The following TMPRSS7 variants were observed in gnomAD, a reference collection of about 807,000 sequenced individuals.
TMPRSS7 encodes transmembrane serine protease 7, also known as transmembrane protease serine 7.
A neutral mutation model predicts 95.6 loss-of-function variants in TMPRSS7; 81 were observed. The observed-to-expected ratio is 0.85, with a 90% CI of 0.71 to 1.02. The LOEUF is 1.02. TMPRSS7 is among the 50% of genes least tolerant of loss of function. The probability of loss-of-function intolerance (pLI) is 0.00; values close to 1 mark genes in which losing one functional copy is unlikely to be tolerated. For synonymous variants in TMPRSS7, 364 were observed against 337.8 expected, an observed-to-expected ratio of 1.08 and a Z score of -0.85; for missense variants, 945 against 955.2, an observed-to-expected ratio of 0.99 and a Z score of 0.14.
At chr3:112,070,828 G>A (rs572826696) in intron 13 of TMPRSS7, among the ~76,000 whole-genome samples, 1 of 152,328 alleles carries the variant, frequency 6.6e-6, no homozygotes, top group South Asian at 2.1e-4. Flanking sequence ...TGCACAACGT[G>A]CAGGTTTGTT....
intron 5 of TMPRSS7, among the ~76,000 whole-genome samples, chr3:112,046,294 C>T (rs2107739955): frequency 6.6e-6 from 1 of 152,230 alleles, no homozygotes; most frequent in African/African-American, 2.4e-5. Context: ...CTTTACTTGC[C>T]CAGACAGAAC....
intron 15 of TMPRSS7, among the ~76,000 whole-genome samples, chr3:112,075,827 A>G (rs762656204): frequency 1.3e-5 from 2 of 152,192 alleles, no homozygotes; most frequent in African/African-American, 2.4e-5. Flanking sequence ...GAGGTCCCCA[A>G]TGGGATTATG....
At chr3:112,075,189 C>T in intron 14 of TMPRSS7, 132 bp from the exon 15 acceptor site, 2 of 845,798 alleles carry the variant, frequency 2.4e-6, no homozygotes, top group Non-Finnish European at 1.6e-6. Context: ...CTCACATGTT[C>T]TCTGTCCTCT....
intron 12 of TMPRSS7, 110 bp downstream of exon 12, chr3:112,063,742 A>G: frequency 1.1e-6 from 1 of 883,860 alleles, no homozygotes; most frequent in East Asian, 2.5e-5. Flanking sequence ...CTATTACTGC[A>G]TAACCAACTA....
intron 2 of TMPRSS7, among the ~76,000 whole-genome samples, chr3:112,039,070 G>A (rs1175678854): frequency 6.6e-6 from 1 of 152,190 alleles, no homozygotes; most frequent in African/African-American, 2.4e-5. Context: ...TTTTGCACAT[G>A]CATCTTTCTC....
chr3:112,066,945 C>T (rs340148), intron 13 of TMPRSS7, among the ~76,000 whole-genome samples: 1,685 of 152,228 alleles, frequency 0.011, 41 homozygotes, highest in African/African-American at 0.039. Context: ...TCGTCATTTA[C>T]ATTAGGTATT....
intron 6 of TMPRSS7, 28 bp downstream of exon 6, chr3:112,047,040 C>T (rs1328915090): frequency 4.3e-6 from 3 of 701,066 alleles, no homozygotes; most frequent in Non-Finnish European, 7.8e-6. Flanking sequence ...GTTCCCCCTC[C>T]CCCCATGTTA....
chr3:112,044,407 T>A lies in TMPRSS7; in HGVS notation c.497+85T>A, dbSNP rs981974160. 26 of 1,158,918 alleles carry A rather than the reference T, an allele frequency of 2.2e-5. No homozygotes were observed. In the African/African-American group the frequency reaches 3.7e-4, roughly 16 times the overall value. 71.8% of individuals were successfully genotyped at this position (1,158,918 alleles called of 1,614,324 possible). On this transcript the variant is annotated intron_variant, in intron 4 of 17. Transcript: ENST00000452346. ...CTATGAAAAGGCTGAGATTCCACCA[T>A]TCCCAAGTAACTTCTTGGAAGTGGT...
chr3:112,075,489 A>G, exon 15 of TMPRSS7: 3 of 1,480,452 alleles, frequency 2.0e-6, no homozygotes, highest in East Asian at 2.6e-5. Flanking sequence ...TTTCATGGAA[A>G]CAGGTAGGGC....
intron 16 of TMPRSS7, 78 bp downstream of exon 16, chr3:112,077,222 A>G: frequency 6.6e-7 from 1 of 1,513,804 alleles, no homozygotes; most frequent in South Asian, 1.3e-5. Context: ...TAGGGTTCAC[A>G]GAGAGGGTTT....
intron 10 of TMPRSS7, among the ~76,000 whole-genome samples, chr3:112,059,232 TG>T (rs1324273268): frequency 1.3e-5 from 2 of 152,194 alleles, no homozygotes; most frequent in Non-Finnish European, 2.9e-5. Flanking sequence ...TCAGGCCAGT[TG>T]GCATCCAAAT....
chr3:112,063,390 TGAAGAC>T (rs2073536591), intron 11 of TMPRSS7, 129 bp from the exon 12 acceptor site: 3 of 666,928 alleles, frequency 4.5e-6, no homozygotes, highest in Non-Finnish European at 7.9e-6. Context: ...CTTCATTTGA[TGAAGAC>T]ACTATGTAAT....
chr3:112,069,626 G>C (rs959548993), intron 13 of TMPRSS7, among the ~76,000 whole-genome samples: 35 of 152,180 alleles, frequency 2.3e-4, no homozygotes, highest in African/African-American at 8.2e-4. Context: ...GGTGTTTATA[G>C]TATTCTCTGA....
chr3:112,074,294 A>C lies in TMPRSS7; in HGVS notation c.1667-2A>C, dbSNP rs2073687548. ...GCTGTTTCTTCTTTTGTCCATTGTT[A>C]GGTATTCCATGCAACAACAGAACTT... On this transcript the variant is annotated splice_acceptor_variant, in intron 13 of 17. Transcript: ENST00000452346. LOFTEE classifies it high-confidence loss of function. 6.2e-7 allele frequency: 1 copy of C among 1,604,994 alleles called. No homozygotes were observed. Among genetic ancestry groups the C allele is most frequent in the African/African-American group, 1.3e-5 (1 of 74,680 alleles).
At position 112,059,822 on chromosome 3, in the gene TMPRSS7, G is replaced by A. The variant is rs1393042178; in HGVS notation, c.1311-1965G>A. Among the ~76,000 whole-genome samples, 5 of 152,174 alleles carry A rather than the reference G, an allele frequency of 3.3e-5. No homozygotes were observed. The South Asian group carries it at 6.2e-4, about 19-fold the overall frequency. On this transcript the variant is annotated intron_variant, in intron 10 of 17. Coordinates refer to ENST00000452346, the Ensembl canonical transcript of TMPRSS7. The stretch of plus-strand genomic sequence containing the variant: ...TCCTCCTTTAATCCTTAAAATCACA[G>A]GTTATCTGTGCTCCTGAATGCCAGT...
chr3:112,045,497 T>C (rs1385562809), intron 4 of TMPRSS7, among the ~76,000 whole-genome samples: 9 of 152,232 alleles, frequency 5.9e-5, no homozygotes, highest in Non-Finnish European at 5.9e-5. Context: ...TCCATAGAAA[T>C]AGCATATTCT....
intron 8 of TMPRSS7, 111 bp from the exon 9 acceptor site, chr3:112,050,560 A>G (rs2073333885): frequency 4.3e-6 from 2 of 468,342 alleles, no homozygotes; most frequent in South Asian, 5.6e-5. Flanking sequence ...AGAAATGTAT[A>G]AAGCTTGTCG....
At chr3:112,076,852 T>G (rs771168136) in intron 15 of TMPRSS7, 24 bp from the exon 16 acceptor site, 2 of 1,607,062 alleles carry the variant, frequency 1.2e-6, no homozygotes, top group East Asian at 4.5e-5. Context: ...CTGCTAACTT[T>G]ATGTTTCATT....
At chr3:112,056,112 C>T (rs1038666949) in intron 9 of TMPRSS7, among the ~76,000 whole-genome samples, 9 of 152,114 alleles carry the variant, frequency 5.9e-5, no homozygotes, top group Admixed American at 5.2e-4. Flanking sequence ...TCTCTTCATT[C>T]ATGACAGAGA....
Sources: gnomAD v4.1 joint callset for allele counts (sites outside exome capture counted in the v4.1 genomes callset) on GRCh38, gnomAD v4.1.1 for gene constraint, MANE v1.5 for transcripts, NCBI Gene and HGNC (gene_info 2026-07-23, HGNC 2026-07-21) for gene names.